The following VIRMA variants were observed in gnomAD, a reference collection of about 807,000 sequenced individuals.
VIRMA encodes protein virilizer homolog.
In VIRMA, 65 loss-of-function variants were observed where a neutral mutation model predicts 182.4. The observed-to-expected ratio is 0.36, with a 90% CI of 0.29 to 0.44. VIRMA has a LOEUF of 0.44. VIRMA is among the 20% of genes least tolerant of loss of function. The pLI is 1.00. For missense variants in VIRMA, 1,752 were observed against 2,158.1 expected (o/e 0.81, Z 3.73); for synonymous variants, 709 against 743.1 (o/e 0.95, Z 0.75).
intron 1 of VIRMA, among the ~76,000 whole-genome samples, chr8:94,551,175 T>C (rs1815973835): frequency 6.6e-6 from 1 of 152,148 alleles, no homozygotes; most frequent in Non-Finnish European, 1.5e-5. Context: ...AACTGTGAAA[T>C]ATTGCCCCTT....
At position 94,510,538 on chromosome 8, in the gene VIRMA, T is replaced by C. The variant is rs745771167; in HGVS notation, c.3505A>G (p.Thr1169Ala). 1.4e-5 allele frequency: 22 copies of C among 1,613,962 alleles called. No homozygotes were observed. Among genetic ancestry groups the C allele is most frequent in the Non-Finnish European group, 1.7e-5 (20 of 1,179,996 alleles). The change falls in exon 14 of 24, where the codon ACC (threonine) becomes GCC (alanine). Residue 1169 changes from threonine (T) to alanine (A), a missense_variant. Coordinates refer to ENST00000297591, the MANE Select transcript of VIRMA (RefSeq NM_015496.5). ...QEIVRSFSGT[T>A]CQPIQHMLRR... is the part of the protein sequence containing the mutation. Reference sequence around the variant, plus strand: ...AACATATGTTGAATGGGCTGGCAGGTTGTGCCAGAGAAAGAGCGAACTATT... The same window carrying C: ...AACATATGTTGAATGGGCTGGCAGGCTGTGCCAGAGAAAGAGCGAACTATT...
intron 13 of VIRMA, 96 bp from the exon 14 acceptor site, chr8:94,510,748 T>G: frequency 1.1e-6 from 1 of 897,140 alleles, no homozygotes; most frequent in Non-Finnish European, 1.7e-6. Context: ...AAAAGAACAT[T>G]TTTACTGCAT....
intron 2 of VIRMA, among the ~76,000 whole-genome samples, chr8:94,543,058 G>A (rs1301233857): frequency 6.6e-5 from 10 of 151,844 alleles, no homozygotes; most frequent in South Asian, 2.1e-4. Context: ...ACAGGCATGC[G>A]CCACCATGCC....
intron 1 of VIRMA, among the ~76,000 whole-genome samples, chr8:94,548,654 ATTAT>A (rs1477727697): frequency 6.9e-6 from 1 of 144,476 alleles, no homozygotes; most frequent in Non-Finnish European, 1.5e-5. Flanking sequence ...ATATTTTTTT[ATTAT>A]TTATTTATTT....
At position 94,514,957 on chromosome 8, in the gene VIRMA, A is replaced by G; in HGVS notation, c.2669-6T>C. 4.2e-6 allele frequency: 6 copies of G among 1,423,436 alleles called. No homozygotes were observed. The highest frequency in any genetic ancestry group is 5.8e-6 in the Non-Finnish European group (6 of 1,036,840). 88.2% of individuals were successfully genotyped at this position (1,423,436 alleles called of 1,614,324 possible). ...TTCAAGCCACTTGCCAAGTTCTTAA[A>G]AAGAAAAATAATTTATAATATTTAA... is the stretch of plus-strand genomic sequence containing the variant. On this transcript the variant is annotated splice_polypyrimidine_tract_variant and splice_region_variant and intron_variant, in intron 10 of 23. Coordinates refer to ENST00000297591, the MANE Select transcript of VIRMA (RefSeq NM_015496.5).
chr8:94,548,806 C>G (rs775161162), intron 1 of VIRMA, among the ~76,000 whole-genome samples: 2 of 152,174 alleles, frequency 1.3e-5, no homozygotes, highest in Non-Finnish European at 2.9e-5. Flanking sequence ...CAGGCGCATA[C>G]CATCACGCCT....
rs1815292248 is a variant in VIRMA, at chr8:94,534,983, T to G, written c.340A>C (p.Arg114=). The change falls in exon 5 of 24, where the codon AGA becomes CGA. Residue 114 remains arginine, a synonymous_variant. Transcript: ENST00000297591. ...SKVNTDGLVL[R]GWYNCLTLAI... is the part of the protein sequence containing the mutation. ...AGTGTCAGACAGTTATACCAGCCTC[T>G]TAGCACCAGACCATCAGTATTCACC... 2 of 1,607,846 alleles carry G rather than the reference T, an allele frequency of 1.2e-6. No homozygotes were observed. Among genetic ancestry groups the G allele is most frequent in the South Asian group, 1.1e-5 (1 of 88,884 alleles).
rs373242958 is a variant in VIRMA, at chr8:94,519,398, C to G, written c.2100G>C (p.Val700=). The G allele has an allele frequency of 1.8e-5, 28 of 1,550,568 alleles. No individual in the cohort carries two copies. Among genetic ancestry groups the G allele is most frequent in the Non-Finnish European group, 2.4e-5 (28 of 1,154,148 alleles). ...SIPVTSAHPG[V]LQATKDVLKF... The stretch of plus-strand genomic sequence containing the variant: ...TCAAAACATCTTTTGTGGCTTGCAG[C>G]ACACCAGGGTGAGCACTTGTTACTG... Residue 700 remains valine (V), a synonymous_variant, in exon 9 of 24, where the codon GTG becomes GTC. Transcript: ENST00000297591.
In VIRMA at chr8:94,511,462, A is replaced by G; in HGVS notation, c.3113T>C (p.Val1038Ala). ...AGAGCACAGGAGCATATGTAAAGTA[A>G]CAAGCGCTGAAGGAACACGCATGTC... ...FKDMRVPSAL[V>A]TLHMLLCSIP... Residue 1038 changes from valine (V) to alanine (A), a missense_variant, in exon 13 of 24, where the codon GTT (valine) becomes GCT (alanine). Coordinates refer to ENST00000297591, the MANE Select transcript of VIRMA (RefSeq NM_015496.5). The G allele has an allele frequency of 1.2e-6, 2 of 1,614,152 alleles. No homozygotes were observed. Among genetic ancestry groups the G allele is most frequent in the African/African-American group, 1.3e-5 (1 of 75,054 alleles).
Position 94,527,176 on chromosome 8 carries a change from C to T in VIRMA, c.1068G>A (p.Lys356=), listed in dbSNP as rs1815002735. 3 of 1,613,884 alleles carry T rather than the reference C, an allele frequency of 1.9e-6. No individual in the cohort carries two copies. The highest frequency in any genetic ancestry group is 8.5e-7 in the Non-Finnish European group (1 of 1,179,954). ...VPLLYFSCPY[K]TTFEIEISRM... is the part of the protein sequence containing the mutation. ...TACTGATTTCAATTTCAAAAGTAGT[C>T]TTGTATGGACAACTGAAGTATAAGA... The change falls in exon 8 of 24, where the codon AAG becomes AAA. Residue 356 remains lysine, a synonymous_variant. Transcript: ENST00000297591.
At position 94,533,750 on chromosome 8, in the gene VIRMA, AT is replaced by A. The variant is rs1815246881; in HGVS notation, c.484+1088del. On this transcript the variant is annotated intron_variant, in intron 5 of 23. Transcript: ENST00000297591. ...GCCACCATGCCCAGCCTATTTATTT[AT>A]TTTTACAGATGGGAGTCTCACTATG... 2.0e-5 allele frequency: 3 copies of A among 147,646 alleles called. No homozygotes were observed. The South Asian group carries it at 6.3e-4, about 31-fold the overall frequency. 9.1% of individuals were successfully genotyped at this position (147,646 alleles called of 1,614,324 possible).
intron 13 of VIRMA, chr8:94,510,895 C>T (rs1029461598): frequency 9.2e-7 from 1 of 1,083,476 alleles, no homozygotes; most frequent in African/African-American, 1.6e-5. Context: ...TTGGCAAATT[C>T]TAACACATGG....
chr8:94,526,314 T>C lies in VIRMA; in HGVS notation c.1930A>G (p.Thr644Ala), dbSNP rs1814963025. The part of the protein sequence containing the change: ...VFHLMETAPH[T>A]MIQQPVKSFP... ...GACTTAACAGGTTGTTGGATCATTG[T>C]ATGAGGGGCAGTTTCCATTAAATGA... The change falls in exon 8 of 24, where the codon ACA (threonine) becomes GCA (alanine). Residue 644 changes from threonine to alanine, a missense_variant. By Grantham distance (58) the Thr-to-Ala change is moderately conservative. Transcript: ENST00000297591. The C allele has an allele frequency of 6.2e-7, 1 of 1,614,034 alleles. No individual in the cohort carries two copies.
chr8:94,513,731 TACTC>T lies in VIRMA; in HGVS notation c.2751+1134_2751+1137del, dbSNP rs906189927. 1.1e-3 allele frequency among the ~76,000 whole-genome samples: 161 copies of T among 152,330 alleles called. 1 individual carries two copies. The highest frequency in any genetic ancestry group is 3.7e-3 in the African/African-American group (153 of 41,570). ...CGCCATTTATTGAACATCTTGTTAATACTCACTCAACCATGCACAAGTACCCAGA... is the reference window on the plus strand; with the variant it reads ...CGCCATTTATTGAACATCTTGTTAATACTCAACCATGCACAAGTACCCAGA... On this transcript the variant is annotated intron_variant, in intron 11 of 23. Transcript: ENST00000297591.
intron 2 of VIRMA, among the ~76,000 whole-genome samples, chr8:94,540,214 A>G (rs1308199040): frequency 6.6e-6 from 1 of 152,174 alleles, no homozygotes; most frequent in Non-Finnish European, 1.5e-5. Context: ...CCCACATAGG[A>G]GACTAATCAA....
At chr8:94,491,990 A>G in intron 21 of VIRMA, 81 bp from the exon 22 acceptor site, 1 of 1,134,826 alleles carries the variant, frequency 8.8e-7, no homozygotes, top group Non-Finnish European at 1.2e-6. Flanking sequence ...CCAAAATTAT[A>G]TTTCAGTTTT....
rs112695657 is a variant in VIRMA, at chr8:94,490,059, T to C, written c.5164A>G (p.Thr1722Ala). 1.9e-6 allele frequency: 3 copies of C among 1,612,884 alleles called. No homozygotes were observed. Among genetic ancestry groups the C allele is most frequent in the South Asian group, 2.2e-5 (2 of 90,800 alleles). ...SKGNYSRREG[T>A]RGSSWSAQNT... ...TGAGCACTCCAACTGGAGCCTCTTG[T>C]TCCTTCCCGACGACTGTAGTTTCCT... The change falls in exon 23 of 24, where the codon ACA (threonine) becomes GCA (alanine). Residue 1722 changes from threonine (T) to alanine (A), a missense_variant. By Grantham distance (58) the Thr-to-Ala change is moderately conservative. Transcript: ENST00000297591.
At position 94,519,401 on chromosome 8, in the gene VIRMA, A is replaced by G. The variant is rs377332233; in HGVS notation, c.2097T>C (p.Gly699=). The G allele has an allele frequency of 1.3e-6, 2 of 1,548,114 alleles. No individual in the cohort carries two copies. The highest frequency in any genetic ancestry group is 1.7e-6 in the Non-Finnish European group (2 of 1,152,912). The part of the protein sequence containing the change: ...LSIPVTSAHP[G]VLQATKDVLK... ...AAACATCTTTTGTGGCTTGCAGCAC[A>G]CCAGGGTGAGCACTTGTTACTGGAA... The change falls in exon 9 of 24, where the codon GGT becomes GGC. Residue 699 remains glycine (G), a synonymous_variant. Coordinates refer to ENST00000297591, the MANE Select transcript of VIRMA (RefSeq NM_015496.5).
intron 16 of VIRMA, among the ~76,000 whole-genome samples, chr8:94,499,732 A>C (rs1261607651): frequency 1.3e-5 from 2 of 152,122 alleles, no homozygotes; most frequent in Non-Finnish European, 2.9e-5. Flanking sequence ...AAATTCCCCC[A>C]AATAATCATT....
Sources: allele counts gnomAD v4.1 joint callset (sites outside exome capture counted in the v4.1 genomes callset), GRCh38; gene constraint gnomAD v4.1.1; transcripts MANE v1.5; gene names NCBI Gene and HGNC (gene_info 2026-07-23, HGNC 2026-07-21).